Variants in BPIFC observed in about 807,000 individuals in gnomAD.
BPIFC encodes the protein BPI fold containing family C, also known as BPI fold-containing family C protein.
A neutral mutation model predicts 57.6 loss-of-function variants in BPIFC; 60 were observed. The ratio of observed to expected loss-of-function variants is 1.04; its 90% confidence interval spans 0.85 to 1.29. BPIFC has a LOEUF of 1.29. Among genes scored for constraint, BPIFC ranks in the 50% most tolerant of loss-of-function variants. BPIFC has a pLI of 0.00. For missense variants in BPIFC, 581 were observed against 600.5 expected, an observed-to-expected ratio of 0.97 and a Z score of 0.34; for synonymous variants, 243 against 224.5, an observed-to-expected ratio of 1.08 and a Z score of -0.74.
chr22:32,459,491 A>G (rs534752626), intron 2 of BPIFC, among the ~76,000 whole-genome samples: 303 of 152,078 alleles, frequency 2.0e-3, no homozygotes, highest in African/African-American at 6.9e-3. Flanking sequence ...GTGAAATCCC[A>G]TCTCTACTAA....
intron 10 of BPIFC, among the ~76,000 whole-genome samples, 156 bp from the exon 11 acceptor site, chr22:32,433,928 A>G (rs531649151): frequency 6.6e-6 from 1 of 152,310 alleles, no homozygotes; most frequent in African/African-American, 2.4e-5. Flanking sequence ...TAGCCCAATC[A>G]TAGGGAATCC....
intron 2 of BPIFC, among the ~76,000 whole-genome samples, chr22:32,461,086 G>A (rs575276411): frequency 6.6e-6 from 1 of 152,274 alleles, no homozygotes; most frequent in African/African-American, 2.4e-5. Context: ...AGGAAGTTGA[G>A]TGCCAGATCA....
At chr22:32,431,986 T>G (rs1934256745) in intron 12 of BPIFC, among the ~76,000 whole-genome samples, 1 of 147,214 alleles carries the variant, frequency 6.8e-6, no homozygotes. Context: ...CAGACTGGAG[T>G]GCAGTGGTGC....
chr22:32,455,319 G>A (rs1935009959), intron 3 of BPIFC, among the ~76,000 whole-genome samples: 1 of 152,050 alleles, frequency 6.6e-6, no homozygotes, highest in African/African-American at 2.4e-5. Context: ...AAAGCGTTGG[G>A]ATTACAGGTA....
intron 1 of BPIFC, among the ~76,000 whole-genome samples, 158 bp from the exon 2 acceptor site, chr22:32,461,819 C>T (rs953739749): frequency 3.9e-5 from 6 of 152,228 alleles, no homozygotes; most frequent in African/African-American, 1.4e-4. Flanking sequence ...TCACTGCCGG[C>T]TAAAAATTGT....
intron 7 of BPIFC, among the ~76,000 whole-genome samples, chr22:32,443,279 T>C (rs1189038548): frequency 6.6e-6 from 1 of 151,182 alleles, no homozygotes; most frequent in Non-Finnish European, 1.5e-5. Context: ...TTCTCCTGCC[T>C]CAGCCTCCTG....
At chr22:32,443,170 T>TG (rs1379124951) in intron 7 of BPIFC, among the ~76,000 whole-genome samples, 3 of 151,170 alleles carry the variant, frequency 2.0e-5, no homozygotes, top group Non-Finnish European at 4.4e-5. Flanking sequence ...AGCTTTTTTT[T>TG]TTTTTTTTTT....
intron 13 of BPIFC, among the ~76,000 whole-genome samples, chr22:32,429,737 G>A (rs1051126671): frequency 2.6e-5 from 4 of 151,718 alleles, no homozygotes; most frequent in African/African-American, 4.8e-5. Flanking sequence ...GGCTGGTCTC[G>A]AACTCCTGAC....
intron 5 of BPIFC, chr22:32,446,624 G>A (rs1934737907): frequency 2.5e-6 from 1 of 396,454 alleles, no homozygotes; most frequent in Admixed American, 6.4e-5. Flanking sequence ...GTTGTTGACT[G>A]ACTTAGTGGA....
At chr22:32,437,102 G>A (rs1177214839) in intron 9 of BPIFC, among the ~76,000 whole-genome samples, 8 of 152,164 alleles carry the variant, frequency 5.3e-5, no homozygotes, top group Non-Finnish European at 5.9e-5. Flanking sequence ...AAGTGCCAAC[G>A]TGTACCAGCT....
At chr22:32,430,807 T>G (rs1299930424) in intron 13 of BPIFC, among the ~76,000 whole-genome samples, 2 of 151,922 alleles carry the variant, frequency 1.3e-5, no homozygotes, top group African/African-American at 2.4e-5. Context: ...GCCTAGCTAA[T>G]TTTTAAAAAA....
chr22:32,413,919 T>G lies in BPIFC; in HGVS notation c.*384A>C, dbSNP rs1273001915. On this transcript the variant is annotated 3_prime_UTR_variant, in exon 17 of 17. Transcript: ENST00000300399. The stretch of plus-strand genomic sequence containing the variant: ...TGAATATAAAACATGAAAACCAATA[T>G]GCAGGTAGGGGAAAACCACTAGAGG... 1 of 154,698 alleles carries G rather than the reference T, an allele frequency of 6.5e-6. No homozygotes were observed. Among genetic ancestry groups the G allele is most frequent in the East Asian group, 1.9e-4 (1 of 5,320 alleles). 9.6% of individuals were successfully genotyped at this position (154,698 alleles called of 1,614,324 possible).
intron 7 of BPIFC, 72 bp downstream of exon 7, chr22:32,445,563 G>T: frequency 2.1e-6 from 3 of 1,408,536 alleles, no homozygotes; most frequent in Non-Finnish European, 3.0e-6. Context: ...AAACAAAAAA[G>T]AATTAATTAA....
intron 14 of BPIFC, 42 bp from the exon 15 acceptor site, chr22:32,417,190 T>G: frequency 1.4e-4 from 1 of 7,272 alleles, no homozygotes; most frequent in Non-Finnish European, 2.3e-4. Flanking sequence ...CAGATCGGGC[T>G]TTTTTTTTTT....
Position 32,446,143 on chromosome 22 carries a change from G to A in BPIFC, c.375-147C>T, listed in dbSNP as rs1934722294. 3.6e-6 allele frequency: 3 copies of A among 844,430 alleles called. No homozygotes were observed. In the East Asian group the frequency reaches 7.8e-5, roughly 22 times the overall value. The allele number at this position is 844,430 out of a possible 1,614,324, so 52.3% of individuals were successfully genotyped here. On this transcript the variant is annotated intron_variant, in intron 5 of 16. Coordinates refer to ENST00000300399, the MANE Select transcript of BPIFC (RefSeq NM_174932.3). ...ACTTCCTTGCACCTACAACAGGTAG[G>A]AGCAGAGTGGGTGCTGATTGAATAT...
Position 32,419,211 on chromosome 22 carries a change from G to A in BPIFC, c.1260+151C>T, listed in dbSNP as rs1569446428. 17 of 737,754 alleles carry A rather than the reference G, an allele frequency of 2.3e-5. No individual in the cohort carries two copies. The East Asian group carries it at 3.2e-4, about 14-fold the overall frequency. The allele number at this position is 737,754 out of a possible 1,614,324, so 45.7% of individuals were successfully genotyped here. Reference sequence around the variant, plus strand: ...AATGGTTAATGGGCTCAATTGATGAGTAGCTACATAAAGAATTTCAAAGTT... The same window carrying A: ...AATGGTTAATGGGCTCAATTGATGAATAGCTACATAAAGAATTTCAAAGTT... On this transcript the variant is annotated intron_variant, in intron 14 of 16. Coordinates refer to ENST00000300399, the MANE Select transcript of BPIFC (RefSeq NM_174932.3).
In BPIFC at chr22:32,414,266, G is replaced by A. The variant is rs780365869; in HGVS notation, c.*37C>T. 1 of 1,609,930 alleles carries A rather than the reference G, an allele frequency of 6.2e-7. No homozygotes were observed. The highest frequency in any genetic ancestry group is 2.2e-5 in the East Asian group (1 of 44,806). ...GGTTTACAGTAGTTGTAGGATTAAGGACCATTTACTTCCTGGGGTGAATTG... is the reference window on the plus strand; with the variant it reads ...GGTTTACAGTAGTTGTAGGATTAAGAACCATTTACTTCCTGGGGTGAATTG... On this transcript the variant is annotated 3_prime_UTR_variant, in exon 17 of 17. Coordinates refer to ENST00000300399, the MANE Select transcript of BPIFC (RefSeq NM_174932.3).
chr22:32,429,509 G>GTTTTTTTTTTTT (rs780948561), intron 13 of BPIFC, among the ~76,000 whole-genome samples: 2 of 56,648 alleles, frequency 3.5e-5, no homozygotes, highest in East Asian at 6.9e-4. Flanking sequence ...ACTGGCCTTT[G>GTTTTTTTTTTTT]TTTTTTTTTT....
At chr22:32,449,042 A>G (rs1326634045) in intron 4 of BPIFC, among the ~76,000 whole-genome samples, 1 of 152,222 alleles carries the variant, frequency 6.6e-6, no homozygotes, top group East Asian at 1.9e-4. Context: ...CTCTCACAGT[A>G]ATCCTATGAG....
Sources: gnomAD v4.1 joint callset for allele counts (sites outside exome capture counted in the v4.1 genomes callset) on GRCh38, gnomAD v4.1.1 for gene constraint, MANE v1.5 for transcripts, NCBI Gene and HGNC (gene_info 2026-07-23, HGNC 2026-07-21) for gene names.